Variants in NEK7 observed in about 807,000 individuals in gnomAD.
NEK7 encodes the protein serine/threonine-protein kinase Nek7.
A neutral mutation model predicts 44.6 loss-of-function variants in NEK7; 18 were observed. That is an observed-to-expected ratio of 0.40 (90% confidence interval 0.28 to 0.60). NEK7 has a LOEUF of 0.60. NEK7 is among the 20% of genes least tolerant of loss of function. The pLI is 0.38. For missense variants in NEK7, 256 were observed against 366.5 expected, an observed-to-expected ratio of 0.70 and a Z score of 2.46; for synonymous variants, 130 against 121.1, an observed-to-expected ratio of 1.07 and a Z score of -0.48.
At chr1:198,251,208 G>A (rs1474457967) in intron 2 of NEK7, among the ~76,000 whole-genome samples, 2 of 151,900 alleles carry the variant, frequency 1.3e-5, no homozygotes, top group Non-Finnish European at 2.9e-5. Flanking sequence ...AACCAGCCTT[G>A]CATCCCAGTG....
chr1:198,259,706 T>C (rs1158186525), intron 3 of NEK7, among the ~76,000 whole-genome samples: 1 of 152,164 alleles, frequency 6.6e-6, no homozygotes, highest in Non-Finnish European at 1.5e-5. Flanking sequence ...GTTTAACATG[T>C]TGATATAATA....
intron 1 of NEK7, among the ~76,000 whole-genome samples, chr1:198,228,408 G>A (rs1266297571): frequency 6.6e-6 from 1 of 152,104 alleles, no homozygotes; most frequent in African/African-American, 2.4e-5. Flanking sequence ...TGTGAAGAAA[G>A]TCATTGGTAG....
chr1:198,181,520 T>C (rs1178589572), intron 1 of NEK7, among the ~76,000 whole-genome samples: 2 of 152,118 alleles, frequency 1.3e-5, no homozygotes, highest in African/African-American at 2.4e-5. Flanking sequence ...GTATTTGAAG[T>C]AACTAAGACT....
At chr1:198,173,481 A>G (rs371802589) in intron 1 of NEK7, among the ~76,000 whole-genome samples, 2 of 152,018 alleles carry the variant, frequency 1.3e-5, no homozygotes, top group Non-Finnish European at 2.9e-5. Flanking sequence ...TAAATGCCCA[A>G]TGAATACTGG....
chr1:198,275,379 A>G (rs1653984125), intron 5 of NEK7, among the ~76,000 whole-genome samples: 2 of 151,516 alleles, frequency 1.3e-5, no homozygotes, highest in Admixed American at 1.3e-4. Context: ...TCATTTTCTT[A>G]TAAATATTTA....
intron 1 of NEK7, among the ~76,000 whole-genome samples, chr1:198,177,560 G>A (rs550399075): frequency 9.9e-5 from 15 of 152,182 alleles, no homozygotes; most frequent in Admixed American, 3.3e-4. Flanking sequence ...AAATCATTGA[G>A]AAAAAGCATT....
At chr1:198,192,681 A>G (rs1353161187) in intron 1 of NEK7, among the ~76,000 whole-genome samples, 1 of 152,164 alleles carries the variant, frequency 6.6e-6, no homozygotes, top group Non-Finnish European at 1.5e-5. Context: ...CCACAACTAC[A>G]TGGAAATTGA....
At chr1:198,249,363 G>A (rs1370128099) in intron 2 of NEK7, among the ~76,000 whole-genome samples, 4 of 152,050 alleles carry the variant, frequency 2.6e-5, no homozygotes, top group Non-Finnish European at 5.9e-5. Context: ...GTGTGCATGT[G>A]TCTTTATAGC....
At chr1:198,259,648 C>T (rs929469331) in intron 3 of NEK7, among the ~76,000 whole-genome samples, 3 of 152,060 alleles carry the variant, frequency 2.0e-5, no homozygotes, top group Non-Finnish European at 4.4e-5. Context: ...ATACCTATAA[C>T]TAATATCAAG....
chr1:198,281,375 C>T (rs1224086892), intron 7 of NEK7, among the ~76,000 whole-genome samples: 2 of 151,984 alleles, frequency 1.3e-5, no homozygotes, highest in Non-Finnish European at 2.9e-5. Flanking sequence ...CACAGTAGAA[C>T]TATAGATTTT....
intron 9 of NEK7, among the ~76,000 whole-genome samples, chr1:198,316,960 T>G (rs1158387656): frequency 2.6e-5 from 4 of 152,230 alleles, no homozygotes. Context: ...TAGTGTCTCT[T>G]GCAGAGTAGA....
chr1:198,195,363 T>A (rs1019762454), intron 1 of NEK7, among the ~76,000 whole-genome samples: 12 of 152,162 alleles, frequency 7.9e-5, no homozygotes, highest in Non-Finnish European at 1.6e-4. Flanking sequence ...TACTGTTCTG[T>A]CATTTACACA....
intron 1 of NEK7, among the ~76,000 whole-genome samples, chr1:198,205,034 C>T (rs1008568228): frequency 3.3e-5 from 5 of 152,198 alleles, no homozygotes; most frequent in South Asian, 2.1e-4. Flanking sequence ...GTTGCTGCTC[C>T]CCGTCCCCCC....
intron 1 of NEK7, among the ~76,000 whole-genome samples, chr1:198,232,333 A>G (rs918794474): frequency 6.6e-6 from 1 of 152,168 alleles, no homozygotes; most frequent in East Asian, 1.9e-4. Flanking sequence ...TTCTAAGCAA[A>G]TAATGCTTTT....
At chr1:198,160,692 C>T (rs114643040) in intron 1 of NEK7, among the ~76,000 whole-genome samples, 1,998 of 152,284 alleles carry the variant, frequency 0.013, 38 homozygotes, top group African/African-American at 0.045. Flanking sequence ...CTCCCCCCTC[C>T]ACCCATTTTT....
At position 198,320,734 on chromosome 1, in the gene NEK7, C is replaced by T. The variant is rs1655511101; in HGVS notation, c.*1212C>T. The T allele has an allele frequency of 6.6e-6, 1 of 152,054 alleles. No homozygotes were observed. 9.4% of individuals were successfully genotyped at this position (152,054 alleles called of 1,614,324 possible). A position where few individuals can be genotyped will look rare whatever the true frequency, so the allele number is the denominator to read the frequency against. On this transcript the variant is annotated 3_prime_UTR_variant, in exon 10 of 10. Transcript: ENST00000367385. ...GTTGATACAGTTACAATTTATTTGA[C>T]AAGGTTGTAATTCTAGAATATGCTT... is the stretch of plus-strand genomic sequence containing the variant.
At chr1:198,270,436 G>A (rs68011881) in intron 5 of NEK7, among the ~76,000 whole-genome samples, 24,402 of 151,866 alleles carry the variant, frequency 0.16, 2,651 homozygotes, top group African/African-American at 0.27. Flanking sequence ...ATGTCATACC[G>A]TATCACAGTG....
At chr1:198,277,089 A>G (rs529396060) in intron 5 of NEK7, among the ~76,000 whole-genome samples, 3 of 151,926 alleles carry the variant, frequency 2.0e-5, no homozygotes, top group Admixed American at 6.6e-5. Context: ...TTACAATGCA[A>G]TATTCATGTT....
intron 2 of NEK7, among the ~76,000 whole-genome samples, chr1:198,243,639 T>C (rs1457282190): frequency 6.6e-6 from 1 of 152,228 alleles, no homozygotes; most frequent in Non-Finnish European, 1.5e-5. Context: ...CAGGGTCTTA[T>C]AAATGTTTAA....
Sources: allele counts gnomAD v4.1 joint callset (sites outside exome capture counted in the v4.1 genomes callset), GRCh38; gene constraint gnomAD v4.1.1; transcripts MANE v1.5; gene names NCBI Gene and HGNC (gene_info 2026-07-23, HGNC 2026-07-21).